The following DNAH6 variants were observed in gnomAD, a reference collection of about 807,000 sequenced individuals.
DNAH6 encodes the protein dynein axonemal heavy chain 6.
DNAH6 carries 340 observed loss-of-function variants against 491.4 expected under a neutral mutation model. That is an observed-to-expected ratio of 0.69 (90% CI 0.63 to 0.76). The LOEUF (loss-of-function observed/expected upper bound fraction) is 0.76. DNAH6 is among the 30% of genes least tolerant of loss of function. DNAH6 has a pLI of 0.00. For synonymous variants in DNAH6, 1,603 were observed against 1,686.1 expected, an observed-to-expected ratio of 0.95 and a Z score of 1.21; for missense variants, 4,443 against 4,972.2, an observed-to-expected ratio of 0.89 and a Z score of 3.20.
intron 62 of DNAH6, among the ~76,000 whole-genome samples, chr2:84,735,040 T>C (rs1389755350): frequency 6.6e-6 from 1 of 152,178 alleles, no homozygotes; most frequent in East Asian, 1.9e-4. Flanking sequence ...TTTCAACCCT[T>C]GCTGCCTCCC....
At chr2:84,596,193 A>C (rs1684560644) in intron 18 of DNAH6, among the ~76,000 whole-genome samples, 1 of 152,192 alleles carries the variant, frequency 6.6e-6, no homozygotes, top group Admixed American at 6.5e-5. Context: ...GATGTGAAGG[A>C]AGTTGGGAAG....
At chr2:84,728,120 C>T (rs1260603281) in intron 61 of DNAH6, among the ~76,000 whole-genome samples, 2 of 152,180 alleles carry the variant, frequency 1.3e-5, no homozygotes, top group Admixed American at 1.3e-4. Flanking sequence ...CTTTTCACTT[C>T]GTTTTCATTC....
chr2:84,473,576 A>T, the DNAH6 span, among the ~76,000 whole-genome samples: 1 of 152,254 alleles, frequency 6.6e-6, no homozygotes, highest in Non-Finnish European at 1.5e-5. Flanking sequence ...GTTTACTGTT[A>T]AGGTTAGAAT....
chr2:84,640,588 C>A lies in DNAH6; in HGVS notation c.4970+10C>A. The A allele has an allele frequency of 6.5e-7, 1 of 1,540,966 alleles. No homozygotes were observed. Among genetic ancestry groups the A allele is most frequent in the Non-Finnish European group, 8.7e-7 (1 of 1,142,998 alleles). On this transcript the variant is annotated intron_variant, in intron 32 of 76. Coordinates refer to ENST00000389394, the MANE Select transcript of DNAH6 (RefSeq NM_001370.2). ...TCCTGGTCATGGCTGGGTAAGAAAC[C>A]AAAGTAGTCAAGAGTGAAATCCCAA...
At chr2:84,523,499 T>A (rs1676333381) in intron 2 of DNAH6, among the ~76,000 whole-genome samples, 1 of 152,108 alleles carries the variant, frequency 6.6e-6, no homozygotes, top group Admixed American at 6.6e-5. Flanking sequence ...TCTGCTACTT[T>A]GGGGTTGGTT....
rs763375012 is a variant in DNAH6 at position 84,577,243 on chromosome 2, A to T, written c.1925-14A>T. 2.9e-5 allele frequency: 45 copies of T among 1,529,568 alleles called. No homozygotes were observed. The highest frequency in any genetic ancestry group is 4.0e-5 in the Non-Finnish European group (45 of 1,134,536). 94.7% of individuals were successfully genotyped at this position (1,529,568 alleles called of 1,614,324 possible). On this transcript the variant is annotated splice_polypyrimidine_tract_variant and intron_variant, in intron 12 of 76. Coordinates refer to ENST00000389394, the MANE Select transcript of DNAH6 (RefSeq NM_001370.2). ...ATGGTATATTTTATGCTTTATGTGA[A>T]TTTTTTTATGTAGATATTAACTTTT...
chr2:84,479,447 A>G, the DNAH6 span, among the ~76,000 whole-genome samples: 1 of 152,190 alleles, frequency 6.6e-6, no homozygotes, highest in South Asian at 2.1e-4. Flanking sequence ...GCTGTCTCAG[A>G]GGGATTAGAT....
intron 68 of DNAH6, among the ~76,000 whole-genome samples, chr2:84,793,229 C>T (rs938851487): frequency 2.7e-5 from 4 of 150,718 alleles, no homozygotes; most frequent in African/African-American, 7.4e-5. Flanking sequence ...CACACACGGG[C>T]GTGCACACAC....
At position 84,637,332 on chromosome 2, in the gene DNAH6, T is replaced by G. The variant is rs1165236857; in HGVS notation, c.4776T>G (p.Phe1592Leu). The G allele has an allele frequency of 5.2e-6, 8 of 1,550,474 alleles. No individual in the cohort carries two copies. Among genetic ancestry groups the G allele is most frequent in the Non-Finnish European group, 6.1e-6 (7 of 1,146,290 alleles). Residue 1592 changes from phenylalanine to leucine, a missense_variant, in exon 31 of 77, where the codon TTT (phenylalanine) becomes TTG (leucine). Transcript: ENST00000389394. ...TGCCAGATAATTTGAAAGCCCTGTT[T>G]AGACCATTTGCGATGATGGTTCCAA... The part of the protein sequence containing the change: ...TELPDNLKAL[F>L]RPFAMMVPNY...
intron 49 of DNAH6, among the ~76,000 whole-genome samples, chr2:84,701,927 T>C (rs1190980837): frequency 6.6e-6 from 1 of 152,194 alleles, no homozygotes; most frequent in African/African-American, 2.4e-5. Flanking sequence ...CTGCTGTTGG[T>C]CTGAGGGCCT....
intron 4 of DNAH6, among the ~76,000 whole-genome samples, chr2:84,539,164 T>C (rs1015354269): frequency 6.6e-6 from 1 of 152,084 alleles, no homozygotes; most frequent in Non-Finnish European, 1.5e-5. Context: ...GCCGTTTGGA[T>C]TTTCATTTGG....
chr2:84,781,653 G>A lies in DNAH6; in HGVS notation c.10864G>A (p.Asp3622Asn), dbSNP rs1248580877. Residue 3622 changes from aspartate (D) to asparagine (N), a missense_variant and splice_region_variant, in exon 65 of 77, where the codon GAT (aspartate) becomes AAT (asparagine). By Grantham distance (23) the Asp-to-Asn change is conservative. Transcript: ENST00000389394. ...EELIKTFTDP[D>N]SAIKDTFRLF... Reference sequence around the variant, plus strand: ...GCTCATTAAAACCTTCACAGATCCAGGTATGTTGAGCATATAGCCCTTGCA... The same window carrying A: ...GCTCATTAAAACCTTCACAGATCCAAGTATGTTGAGCATATAGCCCTTGCA... The A allele has an allele frequency of 1.3e-6, 2 of 1,550,986 alleles. No individual in the cohort carries two copies. The highest frequency in any genetic ancestry group is 8.7e-7 in the Non-Finnish European group (1 of 1,146,410).
At chr2:84,511,418 G>A in the DNAH6 span, among the ~76,000 whole-genome samples, 1 of 136,566 alleles carries the variant, frequency 7.3e-6, no homozygotes, top group African/African-American at 3.7e-5. Flanking sequence ...TAAGACTGTT[G>A]GAAAAGCACA....
chr2:84,682,587 G>A (rs1052240667), intron 42 of DNAH6, among the ~76,000 whole-genome samples: 2 of 152,066 alleles, frequency 1.3e-5, no homozygotes, highest in African/African-American at 4.8e-5. Context: ...GCTAAACTTG[G>A]CATGTCTAAA....
At chr2:84,617,487 T>C (rs1686979798) in intron 23 of DNAH6, among the ~76,000 whole-genome samples, 1 of 152,126 alleles carries the variant, frequency 6.6e-6, no homozygotes, top group Admixed American at 6.6e-5. Flanking sequence ...TACTAAGTCT[T>C]ATTCATTCTT....
intron 15 of DNAH6, among the ~76,000 whole-genome samples, chr2:84,585,982 C>T (rs1340551372): frequency 6.6e-6 from 1 of 152,218 alleles, no homozygotes; most frequent in Non-Finnish European, 1.5e-5. Flanking sequence ...CCCTTCCATT[C>T]AGGAATCTAT....
At chr2:84,601,068 A>AATAATAACGTTATTATTATAGTATAAT (rs1558778959) in intron 18 of DNAH6, among the ~76,000 whole-genome samples, 11 of 148,872 alleles carry the variant, frequency 7.4e-5, no homozygotes, top group African/African-American at 2.2e-4. Flanking sequence ...ATTATACTAT[A>AATAATAACGTTATTATTATAGTATAAT]AGGAATCCTT....
the DNAH6 span, among the ~76,000 whole-genome samples, chr2:84,468,953 G>A: frequency 6.6e-6 from 1 of 152,056 alleles, no homozygotes; most frequent in African/African-American, 2.4e-5. Flanking sequence ...TTGTTTCAGG[G>A]ACCTGCAGCC....
intron 2 of DNAH6, among the ~76,000 whole-genome samples, chr2:84,522,583 C>T (rs1198382720): frequency 6.6e-6 from 1 of 152,054 alleles, no homozygotes; most frequent in Admixed American, 6.6e-5. Context: ...CAGCTTTTAA[C>T]AATTGAGTGT....
Sources: gnomAD v4.1 joint callset for allele counts (sites outside exome capture counted in the v4.1 genomes callset) on GRCh38, gnomAD v4.1.1 for gene constraint, MANE v1.5 for transcripts, NCBI Gene and HGNC (gene_info 2026-07-23, HGNC 2026-07-21) for gene names.